The following SLC4A10 variants were observed in gnomAD, a reference collection of about 807,000 sequenced individuals.
SLC4A10 encodes sodium-driven chloride bicarbonate exchanger.
Under a neutral mutation model 137.7 loss-of-function variants are expected in SLC4A10, and 42 were observed. That is an observed-to-expected ratio of 0.30 (90% CI 0.24 to 0.39). SLC4A10 has a LOEUF of 0.39. SLC4A10 is among the 10% of genes least tolerant of loss of function. The pLI is 1.00. For missense variants in SLC4A10, 925 were observed against 1,355.0 expected, an observed-to-expected ratio of 0.68 and a Z score of 4.98; for synonymous variants, 474 against 464.1, an observed-to-expected ratio of 1.02 and a Z score of -0.27.
At chr2:161,939,858 T>C (rs1403053694) in intron 15 of SLC4A10, among the ~76,000 whole-genome samples, 1 of 152,170 alleles carries the variant, frequency 6.6e-6, no homozygotes, top group African/African-American at 2.4e-5. Flanking sequence ...TATGTAATTA[T>C]AACTGTGTAA....
At chr2:161,865,586 C>T (rs2060691451) in intron 6 of SLC4A10, among the ~76,000 whole-genome samples, 1 of 151,986 alleles carries the variant, frequency 6.6e-6, no homozygotes, top group Non-Finnish European at 1.5e-5. Flanking sequence ...ATAACACCTC[C>T]TTATGACTCT....
intron 1 of SLC4A10, among the ~76,000 whole-genome samples, chr2:161,705,265 A>T (rs1231431037): frequency 6.6e-6 from 1 of 151,486 alleles, no homozygotes; most frequent in Non-Finnish European, 1.5e-5. Flanking sequence ...AGTAGGGCCA[A>T]GGAATTTTGA....
At chr2:161,766,650 T>C (rs2050828594) in intron 1 of SLC4A10, among the ~76,000 whole-genome samples, 1 of 152,088 alleles carries the variant, frequency 6.6e-6, no homozygotes, top group African/African-American at 2.4e-5. Context: ...TAAATTTGCT[T>C]TGTAAATATA....
intron 15 of SLC4A10, among the ~76,000 whole-genome samples, chr2:161,936,490 A>C (rs991232585): frequency 6.6e-6 from 1 of 152,004 alleles, no homozygotes; most frequent in African/African-American, 2.4e-5. Context: ...CAGATCTTCT[A>C]TTTCTTCCTG....
intron 1 of SLC4A10, among the ~76,000 whole-genome samples, chr2:161,711,179 C>G (rs2044253379): frequency 6.6e-6 from 1 of 151,776 alleles, no homozygotes; most frequent in Admixed American, 6.6e-5. Flanking sequence ...AGCAAAATAG[C>G]TTTGCATGTT....
intron 1 of SLC4A10, among the ~76,000 whole-genome samples, chr2:161,703,139 A>G (rs2043295117): frequency 6.6e-6 from 1 of 151,756 alleles, no homozygotes; most frequent in Non-Finnish European, 1.5e-5. Context: ...CCTCAAAAAC[A>G]TTAACATCCT....
chr2:161,748,911 A>C lies in SLC4A10; in HGVS notation c.49-22062A>C, dbSNP rs1026621223. On this transcript the variant is annotated intron_variant, in intron 1 of 26. Coordinates refer to ENST00000446997, the MANE Select transcript of SLC4A10 (RefSeq NM_001178015.2). ...GAATATTAATGTTTCCAATCCATGA[A>C]CATGCGATGTCTTTCCATTTAATTG... 2.6e-5 allele frequency among the ~76,000 whole-genome samples: 4 copies of C among 152,074 alleles called. 1 individual carries two copies. Among genetic ancestry groups the C allele is most frequent in the Non-Finnish European group, 5.9e-5 (4 of 67,962 alleles).
intron 5 of SLC4A10, among the ~76,000 whole-genome samples, chr2:161,859,404 C>T (rs2060286080): frequency 1.3e-5 from 2 of 150,594 alleles, no homozygotes; most frequent in Middle Eastern, 3.2e-3. Flanking sequence ...AATTCTCCTA[C>T]TTCAATCTCT....
intron 3 of SLC4A10, among the ~76,000 whole-genome samples, chr2:161,823,618 A>G (rs2057800198): frequency 1.3e-5 from 2 of 152,264 alleles, no homozygotes; most frequent in African/African-American, 2.4e-5. Flanking sequence ...ATTGCTTGAC[A>G]TGTACTGCAG....
intron 1 of SLC4A10, among the ~76,000 whole-genome samples, chr2:161,641,363 C>T (rs981613185): frequency 6.6e-6 from 1 of 151,818 alleles, no homozygotes; most frequent in African/African-American, 2.4e-5. Flanking sequence ...TAATATATGA[C>T]AAATTTGACA....
At chr2:161,923,047 A>G (rs761465257) in intron 15 of SLC4A10, among the ~76,000 whole-genome samples, 2 of 152,344 alleles carry the variant, frequency 1.3e-5, no homozygotes, top group Non-Finnish European at 2.9e-5. Flanking sequence ...CTACCAAATT[A>G]TGTTTTCCAG....
chr2:161,869,204 C>A (rs2060957890), intron 6 of SLC4A10, among the ~76,000 whole-genome samples: 1 of 151,462 alleles, frequency 6.6e-6, no homozygotes, highest in South Asian at 2.1e-4. Flanking sequence ...AAATTCTGTA[C>A]CTGAAAATTG....
At position 161,634,931 on chromosome 2, in the gene SLC4A10, G is replaced by A. The variant is rs543949231; in HGVS notation, c.48+10365G>A. Among the ~76,000 whole-genome samples the A allele has an allele frequency of 5.3e-5, 8 of 151,998 alleles. No homozygotes were observed. The South Asian group carries it at 1.7e-3, about 32-fold the overall frequency. The stretch of plus-strand genomic sequence containing the variant: ...TACTTCTACAGAAACAACTTTTTAA[G>A]ATTCCATATATAAGGAGACTTCAAA... On this transcript the variant is annotated intron_variant, in intron 1 of 26. Coordinates refer to ENST00000446997, the MANE Select transcript of SLC4A10 (RefSeq NM_001178015.2).
chr2:161,714,068 C>G (rs1262681225), intron 1 of SLC4A10, among the ~76,000 whole-genome samples: 1 of 151,810 alleles, frequency 6.6e-6, no homozygotes, highest in African/African-American at 2.4e-5. Context: ...TAAAATAAAA[C>G]CAGACACAGG....
intron 1 of SLC4A10, among the ~76,000 whole-genome samples, chr2:161,644,855 C>T (rs910607839): frequency 1.3e-5 from 2 of 152,068 alleles, no homozygotes; most frequent in African/African-American, 4.8e-5. Context: ...AAAAGAAACA[C>T]ACAAATGAAA....
intron 15 of SLC4A10, among the ~76,000 whole-genome samples, chr2:161,906,901 A>C (rs1299459942): frequency 6.6e-6 from 1 of 151,878 alleles, no homozygotes; most frequent in East Asian, 1.9e-4. Context: ...AAAAAACACA[A>C]AAAAATTAGC....
chr2:161,650,238 C>A (rs1237435838), intron 1 of SLC4A10, among the ~76,000 whole-genome samples: 3 of 152,224 alleles, frequency 2.0e-5, no homozygotes, highest in African/African-American at 4.8e-5. Context: ...TTGATTCGGA[C>A]TTGTATGATG....
chr2:161,794,290 G>A (rs1056694857), intron 2 of SLC4A10, among the ~76,000 whole-genome samples: 2 of 152,038 alleles, frequency 1.3e-5, no homozygotes, highest in Non-Finnish European at 2.9e-5. Flanking sequence ...CAATAAATAG[G>A]TTCTAGATAT....
At chr2:161,946,111 TTTAA>T (rs1322804537) in intron 16 of SLC4A10, among the ~76,000 whole-genome samples, 6 of 151,976 alleles carry the variant, frequency 3.9e-5, no homozygotes, top group African/African-American at 1.2e-4. Flanking sequence ...AAATTAAAAC[TTTAA>T]TTAAGGCCTG....
Sources: gnomAD v4.1 joint callset for allele counts (sites outside exome capture counted in the v4.1 genomes callset) on GRCh38, gnomAD v4.1.1 for gene constraint, MANE v1.5 for transcripts, NCBI Gene and HGNC (gene_info 2026-07-23, HGNC 2026-07-21) for gene names.